SCMH1: variants seen among roughly 807,000 people sequenced by gnomAD.
SCMH1 encodes polycomb protein SCMH1.
A neutral mutation model predicts 70.8 loss-of-function variants in SCMH1; 37 were observed. That is an observed-to-expected ratio of 0.52 (90% CI 0.40 to 0.69). The LOEUF is 0.69. Ranked by LOEUF, SCMH1 falls within the 30% of genes least tolerant of loss-of-function variation. SCMH1 has a pLI of 0.00. For missense variants in SCMH1, 607 were observed against 827.3 expected (o/e 0.73, Z 3.27); for synonymous variants, 292 against 307.4 (o/e 0.95, Z 0.52).
chr1:41,116,627 G>A (rs537519770), intron 7 of SCMH1, among the ~76,000 whole-genome samples: 6 of 152,170 alleles, frequency 3.9e-5, no homozygotes, highest in South Asian at 2.1e-4. Context: ...TAAGAATAGC[G>A]CCTTTAGATT....
chr1:41,178,114 C>T (rs967716279), intron 2 of SCMH1, among the ~76,000 whole-genome samples: 10 of 152,150 alleles, frequency 6.6e-5, no homozygotes, highest in Non-Finnish European at 1.2e-4. Flanking sequence ...ATTTTCAACG[C>T]AGAATTTCAT....
chr1:41,074,023 GGGA>G (rs1282715443), intron 9 of SCMH1, among the ~76,000 whole-genome samples: 2 of 151,862 alleles, frequency 1.3e-5, no homozygotes, highest in Non-Finnish European at 2.9e-5. Flanking sequence ...AAGAAATGAG[GGGA>G]GGAGGTGATG....
At chr1:41,222,976 AATTT>A (rs1408333931) in intron 1 of SCMH1, among the ~76,000 whole-genome samples, 1 of 152,094 alleles carries the variant, frequency 6.6e-6, no homozygotes, top group African/African-American at 2.4e-5. Context: ...TTTGTATTAT[AATTT>A]ATTTGTCTGA....
intron 1 of SCMH1, among the ~76,000 whole-genome samples, chr1:41,196,559 T>A (rs1653069338): frequency 6.6e-6 from 1 of 152,104 alleles, no homozygotes. Context: ...AATTTATCAA[T>A]GACCTAAATA....
chr1:41,139,268 T>A (rs1486472487), intron 6 of SCMH1, among the ~76,000 whole-genome samples: 2 of 152,202 alleles, frequency 1.3e-5, no homozygotes, highest in Non-Finnish European at 2.9e-5. Flanking sequence ...CTGGGGGCAA[T>A]TTTGGCTCTG....
Position 41,113,630 on chromosome 1 carries a change from A to T in SCMH1, c.502-104T>A, listed in dbSNP as rs1669762626. On this transcript the variant is annotated intron_variant, in intron 7 of 14. Transcript: ENST00000337495. The surrounding 1 kb of genome is among the most constrained non-coding windows in gnomAD (Gnocchi z 4.3). ...GATTAAAAAGTGACTGCTACATGAG[A>T]CTTATAATGGATATATAGCCTTTCT... The T allele has an allele frequency of 1.6e-6, 2 of 1,217,954 alleles. No homozygotes were observed. Among genetic ancestry groups the T allele is most frequent in the Non-Finnish European group, 2.3e-6 (2 of 886,966 alleles). The allele number at this position is 1,217,954 out of a possible 1,614,324, so 75.4% of individuals were successfully genotyped here.
intron 12 of SCMH1, 47 bp downstream of exon 12, chr1:41,046,360 C>T: frequency 6.4e-7 from 1 of 1,560,080 alleles, no homozygotes; most frequent in East Asian, 2.2e-5. Flanking sequence ...GGTGCTGCTG[C>T]TAGCCCTGTC....
intron 8 of SCMH1, among the ~76,000 whole-genome samples, chr1:41,084,573 TCCTC>T (rs1444227508): frequency 6.6e-6 from 1 of 152,070 alleles, no homozygotes; most frequent in East Asian, 1.9e-4. Context: ...GTGTGGCGAT[TCCTC>T]AGGGATCTAG....
At chr1:41,147,850 C>A (rs764195465) in intron 5 of SCMH1, among the ~76,000 whole-genome samples, 1 of 152,078 alleles carries the variant, frequency 6.6e-6, no homozygotes, top group Non-Finnish European at 1.5e-5. Flanking sequence ...CATCTTCATA[C>A]ATTTACTTTT....
intron 10 of SCMH1, among the ~76,000 whole-genome samples, chr1:41,053,877 C>G (rs1347471230): frequency 6.6e-6 from 1 of 151,568 alleles, no homozygotes; most frequent in African/African-American, 2.4e-5. Context: ...CAGAGTCTTG[C>G]TCTGTCGCCC....
chr1:41,186,321 A>G (rs1329334112), intron 1 of SCMH1, 71 bp from the exon 2 acceptor site: 2 of 448,370 alleles, frequency 4.5e-6, no homozygotes, highest in South Asian at 7.2e-5. Flanking sequence ...ATCTCTAATT[A>G]TTAACAATTA....
chr1:41,207,569 T>C lies in SCMH1; in HGVS notation c.-117-21319A>G, dbSNP rs190664745. 1.3e-4 allele frequency among the ~76,000 whole-genome samples: 20 copies of C among 152,314 alleles called. No individual in the cohort carries two copies. The East Asian group carries it at 3.7e-3, about 28-fold the overall frequency. On this transcript the variant is annotated intron_variant, in intron 1 of 14. Transcript: ENST00000337495. ...GTCCTTAGAGACCTGCAAAGAGACT[T>C]AGACTCCCATACAATAATAATGGGA...
rs59012666 is a variant in SCMH1 at position 41,103,132 on chromosome 1, AT to A, written c.745+10150del. Among the ~76,000 whole-genome samples, 936 of 145,312 alleles carry A rather than the reference AT, an allele frequency of 6.4e-3. 14 individuals are homozygous for A. The highest frequency in any genetic ancestry group is 0.021 in the African/African-American group (819 of 39,904). On this transcript the variant is annotated intron_variant, in intron 8 of 14. Coordinates refer to ENST00000337495, the Ensembl canonical transcript of SCMH1. ...TAATCTAGGGAATCAAGGGAAGAAAATTTTTTTTTTTTTCTTTAAGACAGAG... is the reference window on the plus strand; with the variant it reads ...TAATCTAGGGAATCAAGGGAAGAAAATTTTTTTTTTTTCTTTAAGACAGAG...
intron 8 of SCMH1, among the ~76,000 whole-genome samples, chr1:41,104,314 A>G (rs1049668687): frequency 2.0e-5 from 3 of 152,238 alleles, no homozygotes; most frequent in Admixed American, 6.5e-5. Flanking sequence ...ACAAGGCCAA[A>G]GCTGAAATAA....
At chr1:41,164,380 G>A (rs542832210) in intron 2 of SCMH1, among the ~76,000 whole-genome samples, 17 of 151,282 alleles carry the variant, frequency 1.1e-4, no homozygotes, top group Admixed American at 3.3e-4. Flanking sequence ...AAAAAAATTC[G>A]TATCTTTCTC....
At chr1:41,046,524 C>T (rs1646911496) in exon 12 of SCMH1, 3 of 1,614,160 alleles carry the variant, frequency 1.9e-6, no homozygotes, top group East Asian at 4.5e-5. Flanking sequence ...CAGAGTTTCT[C>T]CAGGAAGCGG....
At chr1:41,204,358 A>G (rs1655029547) in intron 1 of SCMH1, among the ~76,000 whole-genome samples, 1 of 152,180 alleles carries the variant, frequency 6.6e-6, no homozygotes, top group Non-Finnish European at 1.5e-5. Context: ...AAGGTAAGTT[A>G]GATCATATCA....
intron 10 of SCMH1, among the ~76,000 whole-genome samples, chr1:41,055,893 C>G (rs750684238): frequency 3.9e-5 from 6 of 152,180 alleles, no homozygotes; most frequent in Non-Finnish European, 7.3e-5. Flanking sequence ...CTTGAGCCTA[C>G]TGGTGTAAAA....
chr1:41,114,786 C>T (rs1190143738), intron 7 of SCMH1, among the ~76,000 whole-genome samples: 5 of 152,004 alleles, frequency 3.3e-5, no homozygotes, highest in African/African-American at 1.2e-4. Context: ...AAGTGATCCT[C>T]CTACCTCAGC....
Sources: gnomAD v4.1 joint callset for allele counts (sites outside exome capture counted in the v4.1 genomes callset) on GRCh38, gnomAD v4.1.1 for gene constraint, Gnocchi (gnomAD v3.1) non-coding constraint, MANE v1.5 for transcripts, NCBI Gene and HGNC (gene_info 2026-07-23, HGNC 2026-07-21) for gene names.